Variants in DOP1B observed in about 807,000 individuals in gnomAD.
DOP1B encodes the protein protein DOP1B.
DOP1B carries 174 observed loss-of-function variants against 233.5 expected under a neutral mutation model. The ratio of observed to expected loss-of-function variants is 0.75; its 90% confidence interval spans 0.66 to 0.85. The LOEUF (loss-of-function observed/expected upper bound fraction) is 0.85. Ranked by LOEUF, DOP1B falls within the 40% of genes least tolerant of loss-of-function variation. The pLI, the probability that DOP1B is intolerant of heterozygous loss-of-function variation, is 0.00. For missense variants in DOP1B, 2,652 were observed against 2,846.6 expected (o/e 0.93, Z 1.56); for synonymous variants, 1,190 against 1,185.6 (o/e 1.00, Z -0.08).
At chr21:36,220,536 G>T (rs1049434193) in intron 10 of DOP1B, among the ~76,000 whole-genome samples, 1 of 151,916 alleles carries the variant, frequency 6.6e-6, no homozygotes, top group Non-Finnish European at 1.5e-5. Flanking sequence ...TTTGAGACAG[G>T]GTCACCCAGG....
At chr21:36,251,036 G>C in intron 21 of DOP1B, 126 bp from the exon 22 acceptor site, 1 of 1,338,946 alleles carries the variant, frequency 7.5e-7, no homozygotes, top group South Asian at 1.5e-5. Context: ...AAGCACCTCA[G>C]CACAACATTG....
chr21:36,182,600 G>A (rs2284626), intron 2 of DOP1B, among the ~76,000 whole-genome samples: 64,180 of 151,966 alleles, frequency 0.42, 15,201 homozygotes, highest in African/African-American at 0.66. Flanking sequence ...TGGCTGAGGC[G>A]GGAGGACAGC....
chr21:36,177,312 G>A (rs752994951), intron 2 of DOP1B, among the ~76,000 whole-genome samples: 11 of 152,216 alleles, frequency 7.2e-5, no homozygotes, highest in South Asian at 2.1e-4. Flanking sequence ...CTGTAAGATC[G>A]AGATGGTCTT....
At chr21:36,173,638 T>G (rs1229115662) in intron 2 of DOP1B, among the ~76,000 whole-genome samples, 6 of 152,030 alleles carry the variant, frequency 3.9e-5, no homozygotes, top group Non-Finnish European at 7.4e-5. Flanking sequence ...TTAGCCAGGA[T>G]AGTCTCGATC....
At chr21:36,227,450 G>A (rs1357431381) in intron 12 of DOP1B, among the ~76,000 whole-genome samples, 2 of 151,552 alleles carry the variant, frequency 1.3e-5, no homozygotes, top group South Asian at 2.1e-4. Context: ...GGGAGGCTGA[G>A]GCAGGAGAAT....
At chr21:36,203,973 TCTC>T (rs2066400681) in intron 4 of DOP1B, among the ~76,000 whole-genome samples, 1 of 152,182 alleles carries the variant, frequency 6.6e-6, no homozygotes, top group Non-Finnish European at 1.5e-5. Flanking sequence ...AAACTCTTCT[TCTC>T]AGGAGATGAG....
chr21:36,265,319 C>G (rs2067218855), intron 26 of DOP1B, among the ~76,000 whole-genome samples: 1 of 152,166 alleles, frequency 6.6e-6, no homozygotes, highest in Non-Finnish European at 1.5e-5. Flanking sequence ...TCGCTTGAAC[C>G]TGGGAGGCAG....
chr21:36,195,738 G>A (rs1220258118), intron 2 of DOP1B, among the ~76,000 whole-genome samples: 8 of 152,178 alleles, frequency 5.3e-5, no homozygotes, highest in Admixed American at 4.6e-4. Flanking sequence ...TTGCAATTGC[G>A]TTCATATGAA....
chr21:36,247,223 G>T (rs1476056907), intron 19 of DOP1B, among the ~76,000 whole-genome samples: 1 of 152,200 alleles, frequency 6.6e-6, no homozygotes, highest in Non-Finnish European at 1.5e-5. Context: ...GTCTAGCTCA[G>T]TGTTGCAGGG....
chr21:36,222,827 C>G (rs2066641847), intron 10 of DOP1B, among the ~76,000 whole-genome samples: 1 of 151,928 alleles, frequency 6.6e-6, no homozygotes, highest in African/African-American at 2.4e-5. Flanking sequence ...CCTCCGCCTC[C>G]CAGGTTCAGG....
chr21:36,158,284 C>T (rs942196501), intron 1 of DOP1B, among the ~76,000 whole-genome samples: 5 of 152,052 alleles, frequency 3.3e-5, no homozygotes, highest in African/African-American at 9.7e-5. Context: ...GAGACATATC[C>T]AGGATAGATT....
intron 13 of DOP1B, among the ~76,000 whole-genome samples, chr21:36,228,774 TAAATAAAATA>T (rs200418493): frequency 0.26 from 36,677 of 140,276 alleles, 5,351 homozygotes; most frequent in Middle Eastern, 0.4. Context: ...TCAAAATAAA[TAAATAAAATA>T]AAATAAAATA....
intron 22 of DOP1B, among the ~76,000 whole-genome samples, chr21:36,252,235 A>G (rs150285088): frequency 9.3e-4 from 142 of 152,064 alleles, no homozygotes; most frequent in African/African-American, 3.0e-3. Flanking sequence ...ATGGTCACTT[A>G]TCCTAGCACT....
At chr21:36,258,447 G>A (rs55801841) in intron 23 of DOP1B, among the ~76,000 whole-genome samples, 34,807 of 151,370 alleles carry the variant, frequency 0.23, 4,336 homozygotes, top group Middle Eastern at 0.3. Flanking sequence ...ACAATGTGCC[G>A]ACCATTGTAA....
intron 32 of DOP1B, 34 bp from the exon 33 acceptor site, chr21:36,287,980 T>G (rs2067507521): frequency 6.2e-7 from 1 of 1,602,610 alleles, no homozygotes; most frequent in South Asian, 1.1e-5. Context: ...AAACTGCATA[T>G]TTGTGTAACA....
At chr21:36,241,355 CAGTT>C (rs2066889396) in intron 18 of DOP1B, among the ~76,000 whole-genome samples, 1 of 151,772 alleles carries the variant, frequency 6.6e-6, no homozygotes, top group South Asian at 2.1e-4. Flanking sequence ...ACTTCAAAGA[CAGTT>C]ATAAGCTAAC....
At chr21:36,248,697 T>A in intron 21 of DOP1B, 129 bp downstream of exon 21, 1 of 877,570 alleles carries the variant, frequency 1.1e-6, no homozygotes, top group Non-Finnish European at 1.6e-6. Flanking sequence ...AGATCAGAAG[T>A]AGAAATCTCT....
intron 31 of DOP1B, 122 bp downstream of exon 31, chr21:36,280,468 A>G (rs1005889406): frequency 1.6e-6 from 1 of 622,778 alleles, no homozygotes; most frequent in Admixed American, 3.4e-5. Context: ...CGCCACAAAG[A>G]CTGTAATGTG....
intron 2 of DOP1B, among the ~76,000 whole-genome samples, chr21:36,196,635 G>A (rs1353647114): frequency 2.0e-5 from 3 of 152,008 alleles, no homozygotes; most frequent in Non-Finnish European, 4.4e-5. Flanking sequence ...AGGGCTAGGC[G>A]CAGTGGCTCA....
Sources: gnomAD v4.1 joint callset for allele counts (sites outside exome capture counted in the v4.1 genomes callset) on GRCh38, gnomAD v4.1.1 for gene constraint, MANE v1.5 for transcripts, NCBI Gene and HGNC (gene_info 2026-07-23, HGNC 2026-07-21) for gene names.